Variants in PTPRD observed in about 807,000 individuals in gnomAD.
PTPRD encodes the protein receptor-type tyrosine-protein phosphatase delta.
Under a neutral mutation model 214.5 loss-of-function variants are expected in PTPRD, and 34 were observed. The ratio of observed to expected loss-of-function variants is 0.16; its 90% CI spans 0.12 to 0.21. PTPRD has a LOEUF of 0.21. Among genes scored for constraint, PTPRD ranks in the 10% least tolerant of loss-of-function variants. The pLI, the probability that PTPRD is intolerant of heterozygous loss-of-function variation, is 1.00. For missense variants in PTPRD, 2,545 were observed against 2,398.7 expected (o/e 1.06, Z -1.27); for synonymous variants, 1,128 against 845.7 (o/e 1.33, Z -5.79).
chr9:10,321,951 G>A (rs2096560610), intron 3 of PTPRD, among the ~76,000 whole-genome samples: 2 of 152,024 alleles, frequency 1.3e-5, no homozygotes, highest in South Asian at 4.1e-4. Context: ...ATTAGTTAGA[G>A]ATGCATATTA....
intron 11 of PTPRD, among the ~76,000 whole-genome samples, chr9:8,870,880 G>A (rs1168959290): frequency 6.6e-6 from 1 of 152,058 alleles, no homozygotes; most frequent in Non-Finnish European, 1.5e-5. Context: ...GCTTCAAAGC[G>A]AACGGGATAT....
chr9:9,942,729 T>C (rs2091809218), intron 4 of PTPRD, among the ~76,000 whole-genome samples: 1 of 152,162 alleles, frequency 6.6e-6, no homozygotes, highest in Non-Finnish European at 1.5e-5. Flanking sequence ...AGTTTGAGCA[T>C]GTTTTCATAA....
At chr9:10,224,367 TTTC>T (rs1451865246) in intron 3 of PTPRD, among the ~76,000 whole-genome samples, 3 of 152,026 alleles carry the variant, frequency 2.0e-5, no homozygotes, top group African/African-American at 7.2e-5. Flanking sequence ...TGTCTATTCT[TTTC>T]TTATTATATT....
intron 2 of PTPRD, among the ~76,000 whole-genome samples, chr9:10,465,685 T>C (rs774713605): frequency 2.6e-5 from 4 of 152,200 alleles, no homozygotes; most frequent in Non-Finnish European, 5.9e-5. Context: ...CAGTACTCAG[T>C]ACAGCAACAT....
chr9:8,578,246 T>C (rs552533623), intron 14 of PTPRD, among the ~76,000 whole-genome samples: 1 of 152,234 alleles, frequency 6.6e-6, no homozygotes, highest in African/African-American at 2.4e-5. Context: ...ATGAAGTTAT[T>C]TTCATGTTAG....
intron 11 of PTPRD, among the ~76,000 whole-genome samples, chr9:8,805,850 C>T (rs1285868786): frequency 6.6e-6 from 1 of 150,570 alleles, no homozygotes; most frequent in East Asian, 2.1e-4. Flanking sequence ...AAAAAATAAG[C>T]CGGGCATGGT....
intron 11 of PTPRD, among the ~76,000 whole-genome samples, chr9:8,933,045 G>A (rs2098964153): frequency 6.6e-6 from 1 of 152,056 alleles, no homozygotes. Context: ...AAGACCATGG[G>A]AAAAGCATAG....
chr9:8,829,258 T>C (rs1224424471), intron 11 of PTPRD, among the ~76,000 whole-genome samples: 1 of 152,192 alleles, frequency 6.6e-6, no homozygotes, highest in East Asian at 1.9e-4. Flanking sequence ...GTTCATGTCC[T>C]TATCCAGTCA....
chr9:8,732,735 G>A (rs2098673638), intron 12 of PTPRD, among the ~76,000 whole-genome samples: 1 of 151,974 alleles, frequency 6.6e-6, no homozygotes, highest in South Asian at 2.1e-4. Flanking sequence ...TTAGAAAATA[G>A]AGCTCCTATT....
At chr9:8,923,382 G>A (rs1364898047) in intron 11 of PTPRD, among the ~76,000 whole-genome samples, 1 of 151,796 alleles carries the variant, frequency 6.6e-6, no homozygotes, top group African/African-American at 2.4e-5. Context: ...ACTCAGCACC[G>A]AGAGCAAGCA....
At chr9:9,587,209 C>T (rs952123719) in intron 7 of PTPRD, among the ~76,000 whole-genome samples, 1 of 151,572 alleles carries the variant, frequency 6.6e-6, no homozygotes, top group African/African-American at 2.4e-5. Context: ...CTTAAGGAGG[C>T]CTAAATAATA....
At chr9:8,874,750 G>A (rs1486694542) in intron 11 of PTPRD, among the ~76,000 whole-genome samples, 1 of 152,180 alleles carries the variant, frequency 6.6e-6, no homozygotes, top group Non-Finnish European at 1.5e-5. Flanking sequence ...GCAAAAGAGA[G>A]ATAATTATAT....
chr9:8,562,422 T>G (rs922604198), intron 14 of PTPRD, among the ~76,000 whole-genome samples: 9 of 151,902 alleles, frequency 5.9e-5, no homozygotes, highest in Admixed American at 5.2e-4. Context: ...AATAATTTAT[T>G]TATTTATTTA....
At chr9:9,644,050 G>A (rs2096062749) in intron 7 of PTPRD, among the ~76,000 whole-genome samples, 1 of 152,072 alleles carries the variant, frequency 6.6e-6, no homozygotes, top group African/African-American at 2.4e-5. Context: ...TTTTTAAAAT[G>A]CTGGTCCCTC....
At chr9:9,019,478 G>T (rs1315194093) in intron 10 of PTPRD, among the ~76,000 whole-genome samples, 4 of 152,182 alleles carry the variant, frequency 2.6e-5, no homozygotes, top group Admixed American at 1.3e-4. Flanking sequence ...GCCAAGGCAG[G>T]CAGATCACTT....
At chr9:9,580,180 G>A (rs1387469179) in intron 7 of PTPRD, among the ~76,000 whole-genome samples, 1 of 152,088 alleles carries the variant, frequency 6.6e-6, no homozygotes, top group Non-Finnish European at 1.5e-5. Flanking sequence ...TATGAGTACA[G>A]GTATCTTTTT....
intron 5 of PTPRD, among the ~76,000 whole-genome samples, chr9:9,867,682 G>C (rs189361325): frequency 6.6e-6 from 1 of 152,280 alleles, no homozygotes; most frequent in Admixed American, 6.5e-5. Flanking sequence ...GTGGAGAAAA[G>C]TATCCGGAGT....
intron 4 of PTPRD, among the ~76,000 whole-genome samples, chr9:10,018,538 C>CTTTTTTTTTTTTTTTTTTTTT (rs71321214): frequency 1.4e-5 from 1 of 71,094 alleles, no homozygotes; most frequent in African/African-American, 4.7e-5. Flanking sequence ...AATTACATTT[C>CTTTTTTTTTTTTTTTTTTTTT]TTTTTTTTTT....
chr9:9,461,364 G>A (rs2093640330), intron 8 of PTPRD, among the ~76,000 whole-genome samples: 1 of 151,948 alleles, frequency 6.6e-6, no homozygotes, highest in African/African-American at 2.4e-5. Flanking sequence ...TTTACATAGA[G>A]AAGTTGTCTG....
Sources: gnomAD v4.1 joint callset for allele counts (sites outside exome capture counted in the v4.1 genomes callset) on GRCh38, gnomAD v4.1.1 for gene constraint, MANE v1.5 for transcripts, NCBI Gene and HGNC (gene_info 2026-07-23, HGNC 2026-07-21) for gene names.